The following SIN3B variants were observed in gnomAD, a reference collection of about 807,000 sequenced individuals.
The protein encoded by SIN3B is paired amphipathic helix protein Sin3b.
SIN3B carries 19 observed loss-of-function variants against 120.2 expected under a neutral mutation model. That is an observed-to-expected ratio of 0.16 (90% CI 0.11 to 0.23). The LOEUF (loss-of-function observed/expected upper bound fraction) is 0.23. SIN3B is among the 10% of genes least tolerant of loss of function. The pLI, the probability that SIN3B is intolerant of heterozygous loss-of-function variation, is 1.00. For synonymous variants in SIN3B, 654 were observed against 653.2 expected (o/e 1.00, Z -0.02); for missense variants, 1,073 against 1,573.0 (o/e 0.68, Z 5.38).
intron 3 of SIN3B, among the ~76,000 whole-genome samples, chr19:16,835,998 C>T (rs958605807): frequency 1.3e-5 from 2 of 152,134 alleles, no homozygotes; most frequent in Admixed American, 1.3e-4. Context: ...CTTTTTCCCC[C>T]CCCAATTTTA....
In SIN3B at chr19:16,862,320, T is replaced by C. The variant is rs1390179879; in HGVS notation, c.1059-32T>C. 3.2e-6 allele frequency: 5 copies of C among 1,578,090 alleles called. No homozygotes were observed. The highest frequency in any genetic ancestry group is 2.6e-6 in the Non-Finnish European group (3 of 1,149,364). The stretch of plus-strand genomic sequence containing the variant: ...GATCCCTCTCAGAAGGCCCTGGGGA[T>C]GACCAGTTACCATGTGTCTTTATCT... On this transcript the variant is annotated intron_variant, in intron 8 of 18. Transcript: ENST00000248054. The surrounding 1 kb of genome is among the most constrained non-coding windows in gnomAD (Gnocchi z 4.7).
At chr19:16,838,350 C>T (rs1971373820) in intron 3 of SIN3B, among the ~76,000 whole-genome samples, 1 of 152,220 alleles carries the variant, frequency 6.6e-6, no homozygotes, top group African/African-American at 2.4e-5. Context: ...TCTCCTCTCC[C>T]CAAGCCCCTG....
In SIN3B at chr19:16,876,333, C is replaced by A; in HGVS notation, c.2766+105C>A. On this transcript the variant is annotated intron_variant, in intron 15 of 18. Transcript: ENST00000248054. This position sits in a 1 kb window ranked among gnomAD's most constrained non-coding sequence, Gnocchi z 7.1. ...CTGGTTCAGCGGCTGGGACACCGGC[C>A]CTGCTGCAGAGCCCATGAGGTACCT... The A allele has an allele frequency of 7.0e-7, 1 of 1,420,288 alleles. No individual in the cohort carries two copies. The highest frequency in any genetic ancestry group is 9.6e-7 in the Non-Finnish European group (1 of 1,044,268). The allele number at this position is 1,420,288 out of a possible 1,614,324, so 88.0% of individuals were successfully genotyped here.
intron 8 of SIN3B, among the ~76,000 whole-genome samples, chr19:16,856,205 C>T (rs1372942025): frequency 6.6e-6 from 1 of 152,116 alleles, no homozygotes. Context: ...GAAACAACTG[C>T]GCACACTCGT....
chr19:16,868,551 C>G (rs1256157316), intron 12 of SIN3B, among the ~76,000 whole-genome samples: 8 of 152,128 alleles, frequency 5.3e-5, no homozygotes, highest in African/African-American at 1.9e-4. Context: ...AGATAAAGAC[C>G]AAGGGGAGGG....
chr19:16,836,187 C>G lies in SIN3B; in HGVS notation c.381+4540C>G, dbSNP rs1421110299. Among the ~76,000 whole-genome samples the G allele has an allele frequency of 2.6e-5, 4 of 152,182 alleles. No individual in the cohort carries two copies. The East Asian group carries it at 7.7e-4, about 29-fold the overall frequency. ...ACTGAAGGGTATTTGAGCAGCCTCCCTGGCCTCCACCCACCAGATGCTTCT... is the reference window on the plus strand; with the variant it reads ...ACTGAAGGGTATTTGAGCAGCCTCCGTGGCCTCCACCCACCAGATGCTTCT... On this transcript the variant is annotated intron_variant, in intron 3 of 18. Coordinates refer to ENST00000248054, the MANE Select transcript of SIN3B (RefSeq NM_001297595.2).
At position 16,847,123 on chromosome 19, in the gene SIN3B, G is replaced by A. The variant is rs553355353; in HGVS notation, c.726+10G>A. 13 of 1,604,178 alleles carry A rather than the reference G, an allele frequency of 8.1e-6. No individual in the cohort carries two copies. Among genetic ancestry groups the A allele is most frequent in the Middle Eastern group, 1.7e-4 (1 of 5,960 alleles). ...AGCCAAGCGGTCTCTGGTGAGTGCC[G>A]AGAGCCCCTGCCCAGCCTCGGGGGC... On this transcript the variant is annotated intron_variant, in intron 5 of 18. Transcript: ENST00000248054.
At chr19:16,865,696 C>T in intron 11 of SIN3B, 48 bp downstream of exon 11, 1 of 940,730 alleles carries the variant, frequency 1.1e-6, no homozygotes, top group Non-Finnish European at 1.6e-6. Flanking sequence ...TTCCCCCTTC[C>T]CTCCCCTCCC....
chr19:16,853,261 T>C, intron 7 of SIN3B, 103 bp downstream of exon 7: 2 of 1,081,800 alleles, frequency 1.8e-6, no homozygotes, highest in East Asian at 2.4e-5. Flanking sequence ...GCAGGTAGGG[T>C]GGGTGCAGTC....
intron 3 of SIN3B, among the ~76,000 whole-genome samples, chr19:16,834,877 A>G (rs1296408633): frequency 6.6e-6 from 1 of 151,336 alleles, no homozygotes; most frequent in Non-Finnish European, 1.5e-5. Context: ...AGGGTTTCCC[A>G]CACACAGAGG....
rs557347301 is a variant in SIN3B at position 16,858,604 on chromosome 19, A to G, written c.1059-3748A>G. Among the ~76,000 whole-genome samples the G allele has an allele frequency of 3.3e-5, 5 of 152,200 alleles. No individual in the cohort carries two copies. In the East Asian group the frequency reaches 9.7e-4, roughly 29 times the overall value. ...GGGCCAGGCGTGGTGGCTCATGCCT[A>G]TAATCCCAGTACTTTGGGAGGCCGA... On this transcript the variant is annotated intron_variant, in intron 8 of 18. Coordinates refer to ENST00000248054, the MANE Select transcript of SIN3B (RefSeq NM_001297595.2).
rs192144751 is a variant in SIN3B, at chr19:16,858,555, G to A, written c.1059-3797G>A. ...AATATATTTGATGCGTTTCAATACC[G>A]TTTCTAGTCCTTTTAAAGGTGAGGG... On this transcript the variant is annotated intron_variant, in intron 8 of 18. Coordinates refer to ENST00000248054, the MANE Select transcript of SIN3B (RefSeq NM_001297595.2). Among the ~76,000 whole-genome samples the A allele has an allele frequency of 2.4e-4, 37 of 152,042 alleles. No homozygotes were observed. The East Asian group carries it at 5.8e-3, about 24-fold the overall frequency.
chr19:16,837,982 A>T (rs1312257356), intron 3 of SIN3B, among the ~76,000 whole-genome samples: 1 of 151,936 alleles, frequency 6.6e-6, no homozygotes, highest in Non-Finnish European at 1.5e-5. Flanking sequence ...GCCACGCAGG[A>T]TGGTTGTCAT....
rs759084915 is a variant in SIN3B, at chr19:16,865,694, TCCCTCCCCTCCCCTC to T, written c.1622+60_1622+74del. 23 of 1,153,714 alleles carry T rather than the reference TCCCTCCCCTCCCCTC, an allele frequency of 2.0e-5. No individual in the cohort carries two copies. In the Admixed American group the frequency reaches 2.9e-4, roughly 15 times the overall value. The allele number at this position is 1,153,714 out of a possible 1,614,324, so 71.5% of individuals were successfully genotyped here. The stretch of plus-strand genomic sequence containing the variant: ...TTCCCTTCCCCTTCCCCTTCCCCCT[TCCCTCCCCTCCCCTC>T]CCCTCCCCTCCCCACTGCAGGGAGC... On this transcript the variant is annotated intron_variant, in intron 11 of 18. Coordinates refer to ENST00000248054, the MANE Select transcript of SIN3B (RefSeq NM_001297595.2).
chr19:16,842,625 C>G (rs1264430642), intron 4 of SIN3B, among the ~76,000 whole-genome samples: 1 of 152,124 alleles, frequency 6.6e-6, no homozygotes, highest in East Asian at 1.9e-4. Context: ...TACGGCCATC[C>G]TTTACTTTGC....
chr19:16,846,741 G>A (rs542258508), intron 4 of SIN3B, among the ~76,000 whole-genome samples: 3 of 152,206 alleles, frequency 2.0e-5, no homozygotes, highest in East Asian at 3.9e-4. Flanking sequence ...CCCTCTGTTC[G>A]TGGACACTGC....
intron 3 of SIN3B, among the ~76,000 whole-genome samples, chr19:16,833,313 A>G (rs956602014): frequency 6.6e-6 from 1 of 152,158 alleles, no homozygotes; most frequent in Non-Finnish European, 1.5e-5. Flanking sequence ...TTTTGTATTA[A>G]TTCCATGTGC....
In SIN3B at chr19:16,851,829, G is replaced by T. The variant is rs117657074; in HGVS notation, c.849+295G>T. ...CACCCAGTCTCCTTTTCACCCTCAG[G>T]ACTCTCTCACAGGCAAGGCCGCCAT... On this transcript the variant is annotated intron_variant, in intron 6 of 18. Transcript: ENST00000248054. Among the ~76,000 whole-genome samples the T allele has an allele frequency of 2.0e-4, 31 of 152,338 alleles. No individual in the cohort carries two copies. In the East Asian group the frequency reaches 6.0e-3, roughly 29 times the overall value.
At chr19:16,860,146 A>G (rs1481602948) in intron 8 of SIN3B, among the ~76,000 whole-genome samples, 1 of 152,208 alleles carries the variant, frequency 6.6e-6, no homozygotes. Flanking sequence ...AGCAAGGTCC[A>G]GAATTGAAGC....
Sources: allele counts gnomAD v4.1 joint callset (sites outside exome capture counted in the v4.1 genomes callset), GRCh38; gene constraint gnomAD v4.1.1; non-coding constraint Gnocchi (gnomAD v3.1); transcripts MANE v1.5; gene names NCBI Gene and HGNC (gene_info 2026-07-23, HGNC 2026-07-21).